The following LPP variants were observed in gnomAD, a reference collection of about 807,000 sequenced individuals.
LPP encodes the protein lipoma-preferred partner.
Under a neutral mutation model 60.4 loss-of-function variants are expected in LPP, and 38 were observed. The ratio of observed to expected loss-of-function variants is 0.63; its 90% CI spans 0.49 to 0.83. The LOEUF (loss-of-function observed/expected upper bound fraction) is 0.83, where lower values mean the gene tolerates loss of function less well. Among genes scored for constraint, LPP ranks in the 40% least tolerant of loss-of-function variants. LPP has a pLI of 0.00. For synonymous variants in LPP, 328 were observed against 290.8 expected, an observed-to-expected ratio of 1.13 and a Z score of -1.30; for missense variants, 902 against 783.6, an observed-to-expected ratio of 1.15 and a Z score of -1.80.
intron 5 of LPP, among the ~76,000 whole-genome samples, chr3:188,487,973 C>T (rs1240806746): frequency 6.6e-6 from 1 of 151,762 alleles, no homozygotes; most frequent in Non-Finnish European, 1.5e-5. Context: ...AACTCTGGCG[C>T]CAGGCATCTA....
intron 9 of LPP, among the ~76,000 whole-genome samples, chr3:188,814,830 TAAAAGTC>T (rs1752018754): frequency 6.6e-6 from 1 of 152,218 alleles, no homozygotes; most frequent in Admixed American, 6.5e-5. Flanking sequence ...CTCTCAGTCT[TAAAAGTC>T]AATATGGCAA....
intron 9 of LPP, among the ~76,000 whole-genome samples, chr3:188,814,999 G>C (rs940858463): frequency 1.3e-5 from 2 of 152,198 alleles, no homozygotes; most frequent in Non-Finnish European, 2.9e-5. Flanking sequence ...GGTATTTGAT[G>C]ATTAAATGAG....
chr3:188,703,333 A>T (rs1332804551), intron 7 of LPP, among the ~76,000 whole-genome samples: 1 of 152,212 alleles, frequency 6.6e-6, no homozygotes, highest in Non-Finnish European at 1.5e-5. Flanking sequence ...CATTTTTCTT[A>T]GGAGGTATTG....
At chr3:188,670,454 T>G (rs142696738) in intron 7 of LPP, among the ~76,000 whole-genome samples, 1,640 of 152,016 alleles carry the variant, frequency 0.011, 15 homozygotes, top group Middle Eastern at 0.051. Context: ...TCTCTCTTTT[T>G]TTTTTTTTGT....
chr3:188,821,031 CT>C lies in LPP; in HGVS notation c.1411-45165del, dbSNP rs763344138. ...TATCTTTTTTTGATTCATATTCTCC[CT>C]TTTGTCCTGGTTACCAGACAGCACA... On this transcript the variant is annotated intron_variant, in intron 9 of 11. Transcript: ENST00000617246. 2.7e-4 allele frequency among the ~76,000 whole-genome samples: 41 copies of C among 151,492 alleles called. 1 individual carries two copies. The highest frequency in any genetic ancestry group is 5.9e-4 in the Non-Finnish European group (40 of 67,852).
At chr3:188,287,322 T>G (rs1339419991) in intron 2 of LPP, among the ~76,000 whole-genome samples, 1 of 152,210 alleles carries the variant, frequency 6.6e-6, no homozygotes, top group African/African-American at 2.4e-5. Context: ...ATGCAGCCCA[T>G]GGAGGCTTCT....
chr3:188,487,218 C>T (rs930858644), intron 5 of LPP, among the ~76,000 whole-genome samples: 1 of 152,102 alleles, frequency 6.6e-6, no homozygotes, highest in South Asian at 2.1e-4. Context: ...ATACCTCTTA[C>T]AATTAAATGA....
At position 188,636,717 on chromosome 3, in the gene LPP, G is replaced by A. The variant is rs951155422; in HGVS notation, c.1113+26873G>A. 6.6e-5 allele frequency among the ~76,000 whole-genome samples: 10 copies of A among 152,012 alleles called. No homozygotes were observed. In the East Asian group the frequency reaches 7.7e-4, roughly 12 times the overall value. ...AGCACGCAGCTGGAGATCTGAGAATGGGCAGACTGCCTCCTCAAGTGGGTC... is the reference window on the plus strand; with the variant it reads ...AGCACGCAGCTGGAGATCTGAGAATAGGCAGACTGCCTCCTCAAGTGGGTC... On this transcript the variant is annotated intron_variant, in intron 7 of 11. Transcript: ENST00000617246.
intron 2 of LPP, among the ~76,000 whole-genome samples, chr3:188,340,458 A>G (rs1479054693): frequency 7.4e-6 from 1 of 134,388 alleles, no homozygotes; most frequent in Non-Finnish European, 1.6e-5. Context: ...TGCAGGATCC[A>G]TGTTCTTTTC....
chr3:188,741,247 G>A (rs546371001), intron 8 of LPP, among the ~76,000 whole-genome samples: 1 of 151,492 alleles, frequency 6.6e-6, no homozygotes, highest in East Asian at 1.9e-4. Flanking sequence ...TTGAATTGGG[G>A]GGGGAAGGGA....
At chr3:188,596,791 C>T (rs1341273115) in intron 6 of LPP, among the ~76,000 whole-genome samples, 1 of 152,190 alleles carries the variant, frequency 6.6e-6, no homozygotes, top group Non-Finnish European at 1.5e-5. Context: ...TGCTTTCGGT[C>T]ACCCAAATTT....
intron 3 of LPP, among the ~76,000 whole-genome samples, chr3:188,386,703 C>A (rs201191108): frequency 2.0e-5 from 3 of 152,108 alleles, no homozygotes; most frequent in Non-Finnish European, 2.9e-5. Context: ...TTAAATGAAC[C>A]TTTAACTGAG....
chr3:188,657,684 A>C (rs370588307), intron 7 of LPP, among the ~76,000 whole-genome samples: 3 of 152,040 alleles, frequency 2.0e-5, no homozygotes, highest in Admixed American at 6.6e-5. Flanking sequence ...TGTCCAACCT[A>C]AACAAAGAGC....
chr3:188,415,150 A>G (rs1277927869), intron 4 of LPP, among the ~76,000 whole-genome samples: 1 of 152,190 alleles, frequency 6.6e-6, no homozygotes, highest in East Asian at 1.9e-4. Context: ...AATTATACAA[A>G]TATACAATAC....
At chr3:188,422,913 T>TGTGTGTGTGTGTGTGTGTG (rs1553893973) in intron 4 of LPP, among the ~76,000 whole-genome samples, 1 of 133,806 alleles carries the variant, frequency 7.5e-6, no homozygotes, top group African/African-American at 2.9e-5. Context: ...GGTGTCTTCT[T>TGTGTGTGTGTGTGTGTGTG]TGTGTGTGTG....
chr3:188,160,775 G>C (rs569840903), intron 1 of LPP, among the ~76,000 whole-genome samples: 1 of 152,326 alleles, frequency 6.6e-6, no homozygotes, highest in South Asian at 2.1e-4. Context: ...ACTGAGATAG[G>C]CTCTGCCTTC....
chr3:188,378,375 G>A (rs906831917), intron 3 of LPP, among the ~76,000 whole-genome samples: 9 of 152,168 alleles, frequency 5.9e-5, no homozygotes, highest in Non-Finnish European at 1.0e-4. Context: ...CTTCCTGGCC[G>A]CTTTGTTTAC....
rs116282075 is a variant in LPP, at chr3:188,890,139, C to T, written c.*15660C>T. 1.8e-3 allele frequency: 389 copies of T among 217,156 alleles called. 2 individuals are homozygous for T. The highest frequency in any genetic ancestry group is 8.2e-3 in the African/African-American group (364 of 44,556). 13.5% of individuals were successfully genotyped at this position (217,156 alleles called of 1,614,324 possible). On this transcript the variant is annotated 3_prime_UTR_variant, in exon 12 of 12. Coordinates refer to ENST00000617246, the MANE Select transcript of LPP (RefSeq NM_001375462.1). ...AGATAAGGCGGAGATGGTGAGAAGC[C>T]GGGTTTTCTCTATGCTAAATGTGTC...
At position 188,876,636 on chromosome 3, in the gene LPP, CT is replaced by C. The variant is rs1769286505; in HGVS notation, c.*2162del. The stretch of plus-strand genomic sequence containing the variant: ...ATCGGCTTGAATTTTGACTTAGTAA[CT>C]TTTTATGTAATACTTTCGGAGAAAT... On this transcript the variant is annotated 3_prime_UTR_variant, in exon 12 of 12. Coordinates refer to ENST00000617246, the MANE Select transcript of LPP (RefSeq NM_001375462.1). 1 of 197,310 alleles carries C rather than the reference CT, an allele frequency of 5.1e-6. No individual in the cohort carries two copies. Among genetic ancestry groups the C allele is most frequent in the East Asian group, 7.9e-5 (1 of 12,690 alleles). The allele number at this position is 197,310 out of a possible 1,614,324, so 12.2% of individuals were successfully genotyped here. A position where few individuals can be genotyped will look rare whatever the true frequency, so the allele number is the denominator to read the frequency against.
Sources: gnomAD v4.1 joint callset for allele counts (sites outside exome capture counted in the v4.1 genomes callset) on GRCh38, gnomAD v4.1.1 for gene constraint, MANE v1.5 for transcripts, NCBI Gene and HGNC (gene_info 2026-07-23, HGNC 2026-07-21) for gene names.